Variants in VEPH1 observed in about 807,000 individuals in gnomAD.
The protein encoded by VEPH1 is ventricular zone expressed PH domain containing 1.
Under a neutral mutation model 85.2 loss-of-function variants are expected in VEPH1, and 80 were observed. That is an observed-to-expected ratio of 0.94 (90% CI 0.78 to 1.13). The LOEUF (loss-of-function observed/expected upper bound fraction) is 1.13. Ranked by LOEUF, VEPH1 falls within the 50% of genes most tolerant of loss-of-function variation. VEPH1 has a pLI of 0.00. For synonymous variants in VEPH1, 297 were observed against 348.0 expected (o/e 0.85, Z 1.63); for missense variants, 955 against 980.5 (o/e 0.97, Z 0.35).
At chr3:157,313,860 T>C in intron 10 of VEPH1, 105 bp from the exon 11 acceptor site, 1 of 1,345,688 alleles carries the variant, frequency 7.4e-7, no homozygotes, top group Non-Finnish European at 1.0e-6. Flanking sequence ...AACTTTAACA[T>C]GATTTAATTT....
intron 4 of VEPH1, among the ~76,000 whole-genome samples, chr3:157,452,997 C>T (rs889919651): frequency 1.3e-5 from 2 of 152,160 alleles, no homozygotes; most frequent in African/African-American, 4.8e-5. Context: ...GCCTGACCAA[C>T]TGAAGTACAG....
intron 6 of VEPH1, among the ~76,000 whole-genome samples, chr3:157,385,111 A>G (rs1034223594): frequency 6.6e-6 from 1 of 152,058 alleles, no homozygotes; most frequent in African/African-American, 2.4e-5. Flanking sequence ...CCACTTTAAC[A>G]AGGAGGAAAC....
intron 9 of VEPH1, among the ~76,000 whole-genome samples, chr3:157,347,688 G>C (rs547832011): frequency 6.6e-6 from 1 of 152,230 alleles, no homozygotes; most frequent in South Asian, 2.1e-4. Flanking sequence ...TTATGGATTG[G>C]ATCTGCCTAG....
chr3:157,433,373 T>C (rs993610154), intron 4 of VEPH1, among the ~76,000 whole-genome samples: 23 of 152,200 alleles, frequency 1.5e-4, no homozygotes, highest in Non-Finnish European at 4.4e-5. Flanking sequence ...TTTTGGTATT[T>C]ATGTTTTTTT....
chr3:157,272,148 C>T (rs6770855), intron 12 of VEPH1, among the ~76,000 whole-genome samples: 8,350 of 151,980 alleles, frequency 0.055, 677 homozygotes, highest in African/African-American at 0.18. Context: ...CTTGCAAAAT[C>T]GCCCTTGTTT....
intron 9 of VEPH1, among the ~76,000 whole-genome samples, chr3:157,354,730 G>A (rs1480921330): frequency 2.6e-5 from 4 of 152,122 alleles, no homozygotes; most frequent in African/African-American, 9.7e-5. Context: ...TAAGTTCCAA[G>A]AAGGGAGAGA....
At chr3:157,501,593 A>G (rs938410554) in intron 1 of VEPH1, among the ~76,000 whole-genome samples, 4 of 152,184 alleles carry the variant, frequency 2.6e-5, no homozygotes, top group Non-Finnish European at 5.9e-5. Flanking sequence ...GCATCTGTAG[A>G]TTCTGCTAAA....
chr3:157,438,401 T>A (rs1235135140), intron 4 of VEPH1, among the ~76,000 whole-genome samples: 1 of 152,076 alleles, frequency 6.6e-6, no homozygotes, highest in Non-Finnish European at 1.5e-5. Flanking sequence ...CGTTTAGGGA[T>A]GTTTTCCAGC....
At chr3:157,389,516 C>A (rs1043809515) in intron 6 of VEPH1, among the ~76,000 whole-genome samples, 5 of 152,056 alleles carry the variant, frequency 3.3e-5, no homozygotes, top group East Asian at 1.9e-4. Context: ...GACTTTGTAA[C>A]CCCAAATCAA....
chr3:157,376,865 T>C (rs2108840778), intron 7 of VEPH1, among the ~76,000 whole-genome samples: 1 of 152,348 alleles, frequency 6.6e-6, no homozygotes, highest in Middle Eastern at 3.4e-3. Flanking sequence ...GTTTTGAATT[T>C]TATCATCTTT....
chr3:157,403,777 G>T (rs1037852580), intron 6 of VEPH1, among the ~76,000 whole-genome samples: 1 of 152,080 alleles, frequency 6.6e-6, no homozygotes, highest in Non-Finnish European at 1.5e-5. Context: ...AGAAAATTGG[G>T]TATAGCTGTG....
intron 6 of VEPH1, among the ~76,000 whole-genome samples, chr3:157,409,309 A>G (rs964989305): frequency 1.3e-5 from 2 of 152,166 alleles, no homozygotes; most frequent in South Asian, 2.1e-4. Flanking sequence ...TTTCTTATTT[A>G]TGAATTTACT....
intron 12 of VEPH1, among the ~76,000 whole-genome samples, chr3:157,275,800 A>G (rs1430275019): frequency 6.6e-6 from 1 of 152,056 alleles, no homozygotes; most frequent in Non-Finnish European, 1.5e-5. Flanking sequence ...ATTTCTTTGT[A>G]TGTATTTAAA....
At chr3:157,415,422 C>T (rs901327840) in intron 5 of VEPH1, among the ~76,000 whole-genome samples, 9 of 152,108 alleles carry the variant, frequency 5.9e-5, no homozygotes, top group East Asian at 1.9e-4. Context: ...GAAAGACTGT[C>T]CTAGGGCTCT....
At chr3:157,445,840 A>C (rs1021543801) in intron 4 of VEPH1, among the ~76,000 whole-genome samples, 1 of 152,156 alleles carries the variant, frequency 6.6e-6, no homozygotes, top group African/African-American at 2.4e-5. Context: ...TACGCACTTT[A>C]TTCTCCCTAA....
At position 157,259,882 on chromosome 3, in the gene VEPH1, G is replaced by C. The variant is rs1340704838; in HGVS notation, c.*1252C>G. The stretch of plus-strand genomic sequence containing the variant: ...GGCTGGGGCTGGGCTTTTATCTGAG[G>C]TTCAGATGCTTCTTCCAAGATCACA... On this transcript the variant is annotated 3_prime_UTR_variant, in exon 14 of 14. Transcript: ENST00000362010. The C allele has an allele frequency of 6.6e-6, 1 of 152,150 alleles. No homozygotes were observed. Among genetic ancestry groups the C allele is most frequent in the Non-Finnish European group, 1.5e-5 (1 of 68,040 alleles). The allele number at this position is 152,150 out of a possible 1,614,324, so 9.4% of individuals were successfully genotyped here. A position where few individuals can be genotyped will look rare whatever the true frequency, so the allele number is the denominator to read the frequency against.
intron 9 of VEPH1, among the ~76,000 whole-genome samples, chr3:157,358,193 C>T (rs1725657911): frequency 1.3e-5 from 2 of 152,140 alleles, no homozygotes; most frequent in South Asian, 2.1e-4. Flanking sequence ...AGAAACCAGT[C>T]GCTGTTATGT....
intron 4 of VEPH1, among the ~76,000 whole-genome samples, chr3:157,432,835 C>T (rs1733273095): frequency 6.6e-6 from 1 of 152,096 alleles, no homozygotes; most frequent in Non-Finnish European, 1.5e-5. Flanking sequence ...ACTAATTTGG[C>T]ATAACTGACA....
intron 12 of VEPH1, among the ~76,000 whole-genome samples, chr3:157,281,286 G>C (rs1043765979): frequency 1.3e-5 from 2 of 152,148 alleles, no homozygotes; most frequent in Non-Finnish European, 2.9e-5. Flanking sequence ...GAGTTTGTAA[G>C]TGTGTTTTTA....
Sources: allele counts gnomAD v4.1 joint callset (sites outside exome capture counted in the v4.1 genomes callset), GRCh38; gene constraint gnomAD v4.1.1; transcripts MANE v1.5; gene names NCBI Gene and HGNC (gene_info 2026-07-23, HGNC 2026-07-21).